Variants in CHIC2 observed in about 807,000 individuals in gnomAD.
CHIC2 encodes the protein cysteine-rich hydrophobic domain-containing protein 2.
Under a neutral mutation model 25.9 loss-of-function variants are expected in CHIC2, and 14 were observed. The observed-to-expected ratio is 0.54, with a 90% confidence interval of 0.36 to 0.85. The LOEUF (loss-of-function observed/expected upper bound fraction) is 0.85, where lower values mean the gene tolerates loss of function less well. Ranked by LOEUF, CHIC2 falls within the 40% of genes least tolerant of loss-of-function variation. The probability of loss-of-function intolerance (pLI) is 0.01; values close to 1 mark genes in which losing one functional copy is unlikely to be tolerated. For missense variants in CHIC2, 146 were observed against 202.0 expected (o/e 0.72, Z 1.68); for synonymous variants, 70 against 72.0 (o/e 0.97, Z 0.14).
At chr4:54,079,690 A>C in the CHIC2 span, among the ~76,000 whole-genome samples, 1 of 152,190 alleles carries the variant, frequency 6.6e-6, no homozygotes, top group African/African-American at 2.4e-5. Flanking sequence ...ATCATCAGGT[A>C]AGTGCAAATC....
chr4:54,091,794 T>A, the CHIC2 span, among the ~76,000 whole-genome samples: 3 of 152,208 alleles, frequency 2.0e-5, no homozygotes, highest in Admixed American at 1.3e-4. Flanking sequence ...AATCTCACTG[T>A]TGACAGTACA....
At chr4:54,080,993 T>A in the CHIC2 span, among the ~76,000 whole-genome samples, 10 of 129,348 alleles carry the variant, frequency 7.7e-5, 1 homozygote, top group African/African-American at 2.5e-4. Flanking sequence ...TATAAAATCA[T>A]CACACATATA....
chr4:54,074,597 A>ACACACACACAC, the CHIC2 span, among the ~76,000 whole-genome samples: 1 of 139,602 alleles, frequency 7.2e-6, no homozygotes, highest in African/African-American at 2.6e-5. Context: ...ACAACACACA[A>ACACACACACAC]ACACACACAC....
At chr4:54,026,847 C>T (rs1024476066) in intron 3 of CHIC2, among the ~76,000 whole-genome samples, 1 of 152,124 alleles carries the variant, frequency 6.6e-6, no homozygotes, top group Non-Finnish European at 1.5e-5. Context: ...ACTTTAAAAT[C>T]TTAATGGTTT....
chr4:54,048,193 T>C (rs1716895381), intron 3 of CHIC2, among the ~76,000 whole-genome samples: 1 of 152,194 alleles, frequency 6.6e-6, no homozygotes. Context: ...TTTTACCATG[T>C]ACGCCAGACT....
At chr4:54,040,058 A>G (rs1295955096) in intron 3 of CHIC2, among the ~76,000 whole-genome samples, 1 of 152,136 alleles carries the variant, frequency 6.6e-6, no homozygotes, top group Non-Finnish European at 1.5e-5. Flanking sequence ...TCAACTACAG[A>G]GGTAGTAAGT....
chr4:54,083,338 C>T, the CHIC2 span, among the ~76,000 whole-genome samples: 2 of 152,126 alleles, frequency 1.3e-5, no homozygotes, highest in African/African-American at 2.4e-5. Context: ...CTGTTAAATT[C>T]AGATCCATAT....
At chr4:54,015,704 T>C (rs1294248413) in intron 3 of CHIC2, among the ~76,000 whole-genome samples, 2 of 152,176 alleles carry the variant, frequency 1.3e-5, no homozygotes, top group Non-Finnish European at 2.9e-5. Flanking sequence ...TTTAGCACAA[T>C]GCAACTTCCA....
intron 1 of CHIC2, chr4:54,060,536 T>C (rs1221823236): frequency 1.3e-5 from 2 of 152,062 alleles, no homozygotes; most frequent in Non-Finnish European, 2.9e-5. Flanking sequence ...GGGTAGAAAG[T>C]GGAGATGGGA....
upstream of CHIC2, chr4:54,065,249 T>C (rs1460484762): frequency 1.1e-6 from 1 of 927,986 alleles, no homozygotes; most frequent in African/African-American, 1.8e-5. Flanking sequence ...TTTTTTTTTT[T>C]TTCTTACAAG....
chr4:54,047,416 T>C (rs1227825561), intron 3 of CHIC2, among the ~76,000 whole-genome samples: 3 of 151,930 alleles, frequency 2.0e-5, no homozygotes, highest in East Asian at 1.9e-4. Flanking sequence ...CCAACAATGG[T>C]AGACTGGATT....
the CHIC2 span, chr4:54,086,966 A>G: frequency 1.3e-6 from 1 of 750,556 alleles, no homozygotes; most frequent in Non-Finnish European, 2.4e-6. Flanking sequence ...CATGGACAAC[A>G]ATCTGCAGAA....
the CHIC2 span, among the ~76,000 whole-genome samples, chr4:54,074,137 G>A: frequency 1.3e-5 from 2 of 151,946 alleles, no homozygotes; most frequent in Non-Finnish European, 2.9e-5. Flanking sequence ...CAGTCCGGGT[G>A]ACAGTGAGAG....
chr4:54,030,441 T>C (rs1365319057), intron 3 of CHIC2, among the ~76,000 whole-genome samples: 3 of 150,680 alleles, frequency 2.0e-5, no homozygotes, highest in Non-Finnish European at 4.4e-5. Context: ...GAGAATCACT[T>C]GAGCCCAGGA....
the CHIC2 span, among the ~76,000 whole-genome samples, chr4:54,074,804 TA>T: frequency 1.3e-5 from 2 of 152,190 alleles, no homozygotes; most frequent in Non-Finnish European, 2.9e-5. Flanking sequence ...TAGGTAGAAC[TA>T]AAATGTTTTT....
chr4:54,048,883 A>C (rs944594920), intron 3 of CHIC2, 72 bp downstream of exon 3: 1 of 1,279,638 alleles, frequency 7.8e-7, no homozygotes, highest in Admixed American at 3.1e-5. Flanking sequence ...AATACAAAAA[A>C]TAAAAACTAG....
At chr4:54,065,379 T>G, upstream of CHIC2, 1 of 929,940 alleles carries the variant, frequency 1.1e-6, no homozygotes, top group Non-Finnish European at 1.3e-6. Flanking sequence ...TGTTGTTGTT[T>G]CCTTAAAATC....
chr4:54,052,302 C>CCTTA (rs1329238254), intron 1 of CHIC2, among the ~76,000 whole-genome samples: 15 of 152,046 alleles, frequency 9.9e-5, no homozygotes, highest in African/African-American at 3.6e-4. Flanking sequence ...TTTGACAATA[C>CCTTA]CTTAGTTCTG....
intron 3 of CHIC2, among the ~76,000 whole-genome samples, chr4:54,043,449 G>C (rs1406892271): frequency 1.3e-5 from 2 of 149,804 alleles, no homozygotes; most frequent in Non-Finnish European, 3.0e-5. Flanking sequence ...AGAAACACTT[G>C]ATCACTTGGC....
Sources: allele counts gnomAD v4.1 joint callset (sites outside exome capture counted in the v4.1 genomes callset), GRCh38; gene constraint gnomAD v4.1.1; transcripts MANE v1.5; gene names NCBI Gene and HGNC (gene_info 2026-07-23, HGNC 2026-07-21).